Variants in FMN1 observed in about 807,000 individuals in gnomAD.
FMN1 encodes the protein formin 1, also known as formin-1.
Under a neutral mutation model 132.4 loss-of-function variants are expected in FMN1, and 110 were observed. The observed-to-expected ratio is 0.83, with a 90% CI of 0.71 to 0.97. The LOEUF (loss-of-function observed/expected upper bound fraction) is 0.97, where lower values mean the gene tolerates loss of function less well. FMN1 is among the 50% of genes least tolerant of loss of function. FMN1 has a pLI of 0.00. For synonymous variants in FMN1, 722 were observed against 651.7 expected (o/e 1.11, Z -1.64); for missense variants, 1,792 against 1,705.3 (o/e 1.05, Z -0.90).
chr15:33,014,453 C>T (rs1219142205), intron 6 of FMN1, among the ~76,000 whole-genome samples: 1 of 152,194 alleles, frequency 6.6e-6, no homozygotes, highest in Admixed American at 6.5e-5. Flanking sequence ...AGGAATTCTA[C>T]ATCAGGGTTG....
chr15:32,813,143 G>A (rs1311540101), intron 17 of FMN1, among the ~76,000 whole-genome samples: 1 of 152,146 alleles, frequency 6.6e-6, no homozygotes, highest in Non-Finnish European at 1.5e-5. Flanking sequence ...AAGAATGGGT[G>A]TAGGTTATAG....
chr15:32,902,045 A>C lies in FMN1; in HGVS notation c.3378-5T>G, dbSNP rs1181196105. On this transcript the variant is annotated splice_polypyrimidine_tract_variant and splice_region_variant and intron_variant, in intron 12 of 20. Coordinates refer to ENST00000616417, the MANE Select transcript of FMN1 (RefSeq NM_001277313.2). ...TGGGCTAACTCATGTAAAAATCTGT[A>C]AAAAAGAAAATGTGTCATCTACCTT... is the stretch of plus-strand genomic sequence containing the variant. 1.2e-6 allele frequency: 2 copies of C among 1,603,180 alleles called. No individual in the cohort carries two copies. The highest frequency in any genetic ancestry group is 3.5e-5 in the Admixed American group (2 of 57,452).
At chr15:33,162,675 G>A (rs1964942040) in intron 3 of FMN1, among the ~76,000 whole-genome samples, 1 of 152,132 alleles carries the variant, frequency 6.6e-6, no homozygotes, top group African/African-American at 2.4e-5. Context: ...TTTTGACCAG[G>A]GAAGCAGTAT....
At position 33,153,715 on chromosome 15, in the gene FMN1, G is replaced by T. The variant is rs1001386062; in HGVS notation, c.1200C>A (p.Ala400=). Reference sequence around the variant, plus strand: ...CACTAGAAATGGAGGCTGTTTCCCCGGCTGGCGACTGCGATGACCTATCCC... The same window carrying T: ...CACTAGAAATGGAGGCTGTTTCCCCTGCTGGCGACTGCGATGACCTATCCC... ...RQGDRSSQSP[A]GETASISSVS... is the part of the protein sequence containing the mutation. Residue 400 remains alanine, a synonymous_variant, in exon 4 of 21, where the codon GCC becomes GCA. Coordinates refer to ENST00000616417, the MANE Select transcript of FMN1 (RefSeq NM_001277313.2). 12 of 1,536,236 alleles carry T rather than the reference G, an allele frequency of 7.8e-6. No individual in the cohort carries two copies. The highest frequency in any genetic ancestry group is 1.0e-5 in the Non-Finnish European group (12 of 1,146,942).
chr15:33,067,873 A>G (rs1490061440), intron 5 of FMN1: 4 of 1,609,724 alleles, frequency 2.5e-6, no homozygotes, highest in Non-Finnish European at 3.4e-6. Flanking sequence ...GAGAATTATC[A>G]ACGTTCTCCA....
chr15:33,031,896 A>G (rs749511819), intron 6 of FMN1, among the ~76,000 whole-genome samples: 7 of 152,272 alleles, frequency 4.6e-5, no homozygotes, highest in Admixed American at 2.0e-4. Flanking sequence ...TTGATAAAGC[A>G]GTAATGTATC....
chr15:32,892,557 G>A (rs574067447), intron 15 of FMN1, among the ~76,000 whole-genome samples: 37 of 152,238 alleles, frequency 2.4e-4, no homozygotes, highest in African/African-American at 8.9e-4. Context: ...TGGTATTAGG[G>A]TGACGCTTGC....
chr15:33,001,417 G>T (rs1418863896), intron 7 of FMN1, among the ~76,000 whole-genome samples: 2 of 152,142 alleles, frequency 1.3e-5, no homozygotes, highest in African/African-American at 2.4e-5. Flanking sequence ...GTAAGTACTT[G>T]GATGATTTTG....
In FMN1 at chr15:32,794,129, A is replaced by G. The variant is rs138562909; in HGVS notation, c.4130+4675T>C. On this transcript the variant is annotated intron_variant, in intron 19 of 20. Transcript: ENST00000616417. Reference sequence around the variant, plus strand: ...TAATCACCCATAACAGCAGCAAGTAATAGACTTAAAACAAAAACCCTATTG... The same window carrying G: ...TAATCACCCATAACAGCAGCAAGTAGTAGACTTAAAACAAAAACCCTATTG... Among the ~76,000 whole-genome samples, 282 of 151,956 alleles carry G rather than the reference A, an allele frequency of 1.9e-3. 3 individuals are homozygous for G. The highest frequency in any genetic ancestry group is 1.2e-3 in the Non-Finnish European group (84 of 67,984).
Position 33,003,734 on chromosome 15 carries a change from A to T in FMN1, c.2223+4280T>A, listed in dbSNP as rs2034250683. ...GAACCAAAAAAGAGCCCGCATTGCC[A>T]AGTCAATCCTAAGCCAAAAGAACAA... On this transcript the variant is annotated intron_variant, in intron 7 of 20. Transcript: ENST00000616417. Among the ~76,000 whole-genome samples the T allele has an allele frequency of 3.9e-5, 6 of 152,360 alleles. No homozygotes were observed. The South Asian group carries it at 1.2e-3, about 32-fold the overall frequency.
At chr15:33,100,741 CAT>C (rs1402945855) in intron 4 of FMN1, among the ~76,000 whole-genome samples, 3 of 152,094 alleles carry the variant, frequency 2.0e-5, no homozygotes, top group African/African-American at 7.2e-5. Context: ...GGAAGCTAAT[CAT>C]AAAGAATCAT....
intron 9 of FMN1, among the ~76,000 whole-genome samples, chr15:32,940,112 CTG>C (rs1221186121): frequency 2.6e-5 from 4 of 152,236 alleles, no homozygotes; most frequent in Middle Eastern, 3.4e-3. Flanking sequence ...AATACAAAAA[CTG>C]AGAACTATAG....
chr15:33,154,494 C>G lies in FMN1; in HGVS notation c.421G>C (p.Gly141Arg), dbSNP rs1964589033. The G allele has an allele frequency of 6.5e-7, 1 of 1,535,820 alleles. No individual in the cohort carries two copies. The highest frequency in any genetic ancestry group is 8.7e-7 in the Non-Finnish European group (1 of 1,146,916). ...DCFQSAGDWQ[G>R]ELPVGPLNKR... The stretch of plus-strand genomic sequence containing the variant: ...TTGAGAGGGCCCACGGGGAGCTCTC[C>G]CTGCCAGTCACCAGCACTCTGGAAA... The change falls in exon 4 of 21, where the codon GGA becomes CGA. Residue 141 changes from glycine to arginine, a missense_variant. By Grantham distance (125) the Gly-to-Arg change is moderately radical (BLOSUM62 -2). This residue lies in a region of FMN1 where 638 missense variants were observed against 645.2 expected (regional missense o/e 0.99). Transcript: ENST00000616417.
At position 32,800,472 on chromosome 15, in the gene FMN1, A is replaced by G. The variant is rs148749556; in HGVS notation, c.3981-1519T>C. On this transcript the variant is annotated intron_variant, in intron 18 of 20. Transcript: ENST00000616417. ...CCATGGCAGTCCAAACACTGGTAAA[A>G]CCAAATGTACACTCTATAGCATGTA... is the stretch of plus-strand genomic sequence containing the variant. Among the ~76,000 whole-genome samples, 85 of 152,348 alleles carry G rather than the reference A, an allele frequency of 5.6e-4. 1 individual carries two copies. Among genetic ancestry groups the G allele is most frequent in the Middle Eastern group, 6.8e-3 (2 of 294 alleles).
In FMN1 at chr15:32,929,997, T is replaced by TA. The variant is rs1432952119; in HGVS notation, c.3139-3737_3139-3736insT. 1.3e-4 allele frequency among the ~76,000 whole-genome samples: 18 copies of TA among 137,392 alleles called. No homozygotes were observed. In the East Asian group the frequency reaches 3.5e-3, roughly 26 times the overall value. 90.1% of individuals were successfully genotyped at this position (137,392 alleles called of 152,430 possible). A position where few individuals can be genotyped will look rare whatever the true frequency, so the allele number is the denominator to read the frequency against. On this transcript the variant is annotated intron_variant, in intron 9 of 20. Transcript: ENST00000616417. ...TATTTTTAAATTTTTTTTTTTTTTT[T>TA]TTTTTTTTTTGAGCTGGAGTCTCGT...
At chr15:33,042,213 T>G (rs2036472582) in intron 6 of FMN1, among the ~76,000 whole-genome samples, 1 of 152,118 alleles carries the variant, frequency 6.6e-6, no homozygotes, top group African/African-American at 2.4e-5. Flanking sequence ...GTGCAAAAGC[T>G]ATAAGAAGAA....
At chr15:33,014,016 T>C (rs1179022646) in intron 6 of FMN1, among the ~76,000 whole-genome samples, 1 of 145,252 alleles carries the variant, frequency 6.9e-6, no homozygotes, top group Non-Finnish European at 1.5e-5. Flanking sequence ...GCATGATTCA[T>C]CTCCTCCTTT....
chr15:33,120,582 C>T lies in FMN1; in HGVS notation c.1868-31608G>A, dbSNP rs148184739. Among the ~76,000 whole-genome samples the T allele has an allele frequency of 4.0e-3, 596 of 149,084 alleles. 9 individuals are homozygous for T. Among genetic ancestry groups the T allele is most frequent in the East Asian group, 0.025 (121 of 4,922 alleles). On this transcript the variant is annotated intron_variant, in intron 4 of 20. Coordinates refer to ENST00000616417, the MANE Select transcript of FMN1 (RefSeq NM_001277313.2). ...TACTATTTTTTTATGTGGGGATATA[C>T]GAACACACACGTAGTGATACCAAGA...
At chr15:32,808,144 A>G (rs952196088) in intron 17 of FMN1, among the ~76,000 whole-genome samples, 1 of 152,244 alleles carries the variant, frequency 6.6e-6, no homozygotes, top group South Asian at 2.1e-4. Context: ...CGGGAACTAT[A>G]TATCATACAA....
Sources: gnomAD v4.1 joint callset for allele counts (sites outside exome capture counted in the v4.1 genomes callset) on GRCh38, gnomAD v4.1.1 for gene constraint, gnomAD v4.1.1 regional missense constraint, MANE v1.5 for transcripts, NCBI Gene and HGNC (gene_info 2026-07-23, HGNC 2026-07-21) for gene names.